Variants in PTPRK observed in about 807,000 individuals in gnomAD.
PTPRK encodes protein tyrosine phosphatase receptor type K, also known as receptor-type tyrosine-protein phosphatase kappa.
PTPRK carries 75 observed loss-of-function variants against 178.0 expected under a neutral mutation model. That is an observed-to-expected ratio of 0.42 (90% CI 0.35 to 0.51). The LOEUF is 0.51. Ranked by LOEUF, PTPRK falls within the 20% of genes least tolerant of loss-of-function variation. PTPRK has a pLI of 0.02. For synonymous variants in PTPRK, 637 were observed against 620.6 expected (o/e 1.03, Z -0.39); for missense variants, 1,441 against 1,797.8 (o/e 0.80, Z 3.59).
intron 6 of PTPRK, among the ~76,000 whole-genome samples, chr6:128,188,110 T>C (rs901696869): frequency 6.6e-6 from 1 of 152,162 alleles, no homozygotes; most frequent in South Asian, 2.1e-4. Flanking sequence ...AGGTATCAAA[T>C]GAAGCATGCA....
intron 2 of PTPRK, among the ~76,000 whole-genome samples, chr6:128,358,031 C>T (rs563770282): frequency 6.6e-6 from 1 of 152,282 alleles, no homozygotes; most frequent in South Asian, 2.1e-4. Context: ...GTATGAATGA[C>T]AATTTTACTT....
At chr6:128,154,726 C>A (rs1797734610) in intron 7 of PTPRK, among the ~76,000 whole-genome samples, 1 of 151,430 alleles carries the variant, frequency 6.6e-6, no homozygotes, top group Admixed American at 6.6e-5. Context: ...AATGATAACC[C>A]AATTTCCAGC....
intron 7 of PTPRK, among the ~76,000 whole-genome samples, chr6:128,095,666 G>A (rs1179552049): frequency 2.0e-5 from 3 of 152,260 alleles, no homozygotes; most frequent in East Asian, 3.9e-4. Flanking sequence ...GGTCCTGTGT[G>A]TTTTCATATA....
At chr6:128,125,459 CAAA>C (rs1247066645) in intron 7 of PTPRK, among the ~76,000 whole-genome samples, 1 of 152,038 alleles carries the variant, frequency 6.6e-6, no homozygotes. Flanking sequence ...GAGGCCTCCC[CAAA>C]AGCAGAAGCC....
intron 4 of PTPRK, among the ~76,000 whole-genome samples, chr6:128,240,884 C>A (rs1244883737): frequency 6.6e-6 from 1 of 152,168 alleles, no homozygotes; most frequent in East Asian, 1.9e-4. Flanking sequence ...ATCCATGTTT[C>A]CCATTGAAAG....
At chr6:128,013,529 C>G (rs542972629) in intron 13 of PTPRK, among the ~76,000 whole-genome samples, 2 of 151,446 alleles carry the variant, frequency 1.3e-5, no homozygotes, top group East Asian at 3.9e-4. Flanking sequence ...TAGTGTATCC[C>G]CTTTCAGTAA....
chr6:128,504,074 G>C (rs1207060386), intron 1 of PTPRK, among the ~76,000 whole-genome samples: 1 of 152,114 alleles, frequency 6.6e-6, no homozygotes, highest in Non-Finnish European at 1.5e-5. Context: ...AAAATGTACA[G>C]AATAGATATA....
At chr6:128,223,286 T>C (rs985707545) in intron 5 of PTPRK, among the ~76,000 whole-genome samples, 7 of 152,012 alleles carry the variant, frequency 4.6e-5, no homozygotes, top group Non-Finnish European at 1.0e-4. Flanking sequence ...CTCCTTAGGC[T>C]TTTATTAAGT....
intron 3 of PTPRK, among the ~76,000 whole-genome samples, chr6:128,294,461 C>G (rs1363644016): frequency 1.3e-5 from 2 of 151,938 alleles, no homozygotes; most frequent in Non-Finnish European, 2.9e-5. Context: ...CCAAGCTGGT[C>G]TTCTTTAGAG....
intron 7 of PTPRK, among the ~76,000 whole-genome samples, chr6:128,130,069 G>A (rs934429671): frequency 6.6e-6 from 1 of 152,076 alleles, no homozygotes; most frequent in Non-Finnish European, 1.5e-5. Flanking sequence ...TTATGATATG[G>A]TATATTTTCT....
chr6:128,196,466 G>A (rs1242456526), intron 6 of PTPRK, among the ~76,000 whole-genome samples: 2 of 152,078 alleles, frequency 1.3e-5, no homozygotes, highest in Non-Finnish European at 2.9e-5. Context: ...ATACCAGTGT[G>A]ACAGCCAAGC....
At chr6:128,318,398 A>C (rs1292242100) in intron 3 of PTPRK, among the ~76,000 whole-genome samples, 1 of 152,198 alleles carries the variant, frequency 6.6e-6, no homozygotes, top group East Asian at 1.9e-4. Context: ...AAAAACAGAA[A>C]ATCTCATGCC....
intron 7 of PTPRK, among the ~76,000 whole-genome samples, chr6:128,179,414 A>G (rs1350157935): frequency 6.6e-6 from 1 of 152,028 alleles, no homozygotes; most frequent in African/African-American, 2.4e-5. Context: ...TACATTCCCA[A>G]GAAAATTGAA....
intron 7 of PTPRK, among the ~76,000 whole-genome samples, chr6:128,143,314 G>C (rs542435260): frequency 6.6e-5 from 10 of 152,130 alleles, no homozygotes; most frequent in African/African-American, 2.4e-4. Context: ...GAAAAGGAAG[G>C]GAACTATACA....
chr6:127,999,378 C>T (rs910934198), intron 15 of PTPRK, among the ~76,000 whole-genome samples: 1 of 151,902 alleles, frequency 6.6e-6, no homozygotes, highest in African/African-American at 2.4e-5. Flanking sequence ...TTCTCGTGGC[C>T]CTATTCTCTG....
intron 2 of PTPRK, among the ~76,000 whole-genome samples, chr6:128,325,859 C>G (rs2128323096): frequency 6.6e-6 from 1 of 152,224 alleles, no homozygotes; most frequent in Admixed American, 6.5e-5. Flanking sequence ...GCTACAAAGA[C>G]ACAGGCACAC....
intron 1 of PTPRK, among the ~76,000 whole-genome samples, chr6:128,431,578 T>G (rs930865361): frequency 6.6e-6 from 1 of 152,162 alleles, no homozygotes; most frequent in African/African-American, 2.4e-5. Flanking sequence ...GAAATGCCAT[T>G]TTAGTTAGGG....
In PTPRK at chr6:127,991,385, A is replaced by C; in HGVS notation, c.2888T>G (p.Val963Gly). The part of the protein sequence containing the change: ...PSHYIATQGP[V>G]HETVYDFWRM... ...CCAGAAATCATACACTGTTTCATGAACGGGACCTACAAAGAAATTAATTTG... is the reference window on the plus strand; with the variant it reads ...CCAGAAATCATACACTGTTTCATGACCGGGACCTACAAAGAAATTAATTTG... Residue 963 changes from valine (V) to glycine (G), a missense_variant, in exon 20 of 30, where the codon GTT becomes GGT. Val to Gly is a moderately radical substitution (Grantham distance 109). Around this residue, in one of 4 missense-constraint regions of PTPRK, gnomAD observed 945 missense variants for 1,080.6 expected, o/e 0.87. Transcript: ENST00000368226. 1 of 1,574,840 alleles carries C rather than the reference A, an allele frequency of 6.3e-7. No homozygotes were observed. The highest frequency in any genetic ancestry group is 8.6e-7 in the Non-Finnish European group (1 of 1,161,596).
intron 3 of PTPRK, among the ~76,000 whole-genome samples, chr6:128,278,030 A>C (rs1165184324): frequency 6.6e-6 from 1 of 152,196 alleles, no homozygotes; most frequent in Non-Finnish European, 1.5e-5. Flanking sequence ...AATTCTATTG[A>C]CATTTTAAAT....
Sources: allele counts gnomAD v4.1 joint callset (sites outside exome capture counted in the v4.1 genomes callset), GRCh38; gene constraint gnomAD v4.1.1; regional missense constraint gnomAD v4.1.1; transcripts MANE v1.5; gene names NCBI Gene and HGNC (gene_info 2026-07-23, HGNC 2026-07-21).